WWOX: variants seen among roughly 807,000 people sequenced by gnomAD.
WWOX encodes WW domain containing oxidoreductase, also known as WW domain-containing oxidoreductase.
WWOX carries 69 observed loss-of-function variants against 46.2 expected under a neutral mutation model. That is an observed-to-expected ratio of 1.49 (90% CI 1.23 to 1.82). WWOX has a LOEUF of 1.82. Among genes scored for constraint, WWOX ranks in the 40% most tolerant of loss-of-function variants. WWOX has a pLI of 0.00. For missense variants in WWOX, 919 were observed against 542.6 expected, an observed-to-expected ratio of 1.69 and a Z score of -6.89; for synonymous variants, 359 against 202.6, an observed-to-expected ratio of 1.77 and a Z score of -6.56.
chr16:79,120,184 A>C (rs1466928925), intron 8 of WWOX, among the ~76,000 whole-genome samples: 1 of 152,214 alleles, frequency 6.6e-6, no homozygotes, highest in Admixed American at 6.5e-5. Flanking sequence ...CTGTGAGGCC[A>C]GGGGGCTCAG....
intron 8 of WWOX, among the ~76,000 whole-genome samples, chr16:78,614,616 A>G (rs576761061): frequency 1.3e-5 from 2 of 152,192 alleles, no homozygotes; most frequent in South Asian, 4.1e-4. Context: ...CTAGAGAGAC[A>G]TAGGTGTATG....
chr16:78,731,733 G>T (rs555344682), intron 8 of WWOX, among the ~76,000 whole-genome samples: 1 of 152,004 alleles, frequency 6.6e-6, no homozygotes, highest in Non-Finnish European at 1.5e-5. Flanking sequence ...TAAGGCCAGG[G>T]TGCAGACTGG....
At chr16:78,262,840 C>G (rs1403941042) in intron 5 of WWOX, among the ~76,000 whole-genome samples, 1 of 152,128 alleles carries the variant, frequency 6.6e-6, no homozygotes, top group African/African-American at 2.4e-5. Flanking sequence ...TTCTTAGATG[C>G]CCTTACTCTG....
At chr16:78,872,903 T>C (rs1337729289) in intron 8 of WWOX, 1 of 152,318 alleles carries the variant, frequency 6.6e-6, no homozygotes, top group African/African-American at 2.4e-5. Flanking sequence ...GCTCAAGCAG[T>C]CCTCCCATGT....
chr16:79,124,441 C>A (rs981549998), intron 8 of WWOX, among the ~76,000 whole-genome samples: 3 of 151,966 alleles, frequency 2.0e-5, no homozygotes, highest in East Asian at 3.9e-4. Flanking sequence ...CATCATGATA[C>A]GTTAAGGGAA....
At chr16:78,830,213 A>G (rs551279243) in intron 8 of WWOX, among the ~76,000 whole-genome samples, 14 of 152,354 alleles carry the variant, frequency 9.2e-5, no homozygotes, top group African/African-American at 3.4e-4. Context: ...GGAAAGAAGC[A>G]GTGTTAACAT....
chr16:79,061,269 C>G (rs955595989), intron 8 of WWOX, among the ~76,000 whole-genome samples: 2 of 152,188 alleles, frequency 1.3e-5, no homozygotes, highest in East Asian at 3.8e-4. Flanking sequence ...TTGGTGCAGA[C>G]TGGATTTTTA....
chr16:78,959,022 C>G (rs193094622), intron 8 of WWOX, among the ~76,000 whole-genome samples: 323 of 152,218 alleles, frequency 2.1e-3, no homozygotes, highest in Middle Eastern at 0.01. Context: ...TCTATAACAG[C>G]AAGACATTTA....
In WWOX at chr16:79,008,297, T is replaced by G. The variant is rs1268136473; in HGVS notation, c.1057-203311T>G. Among the ~76,000 whole-genome samples, 11 of 152,294 alleles carry G rather than the reference T, an allele frequency of 7.2e-5. No individual in the cohort carries two copies. The East Asian group carries it at 1.4e-3, about 19-fold the overall frequency. On this transcript the variant is annotated intron_variant, in intron 8 of 8. Coordinates refer to ENST00000566780, the MANE Select transcript of WWOX (RefSeq NM_016373.4). ...TCCCCCATGCTCTGAGTCACTCTCT[T>G]CAGTGAGGGCCCAGCCCCTTTTAAG...
At chr16:79,000,994 G>A (rs1177147753) in intron 8 of WWOX, among the ~76,000 whole-genome samples, 1 of 152,204 alleles carries the variant, frequency 6.6e-6, no homozygotes, top group African/African-American at 2.4e-5. Context: ...ACCGCCTGGG[G>A]TCCAAGAAGA....
intron 8 of WWOX, chr16:78,534,542 CAG>C (rs1354940351): frequency 6.6e-6 from 1 of 152,104 alleles, no homozygotes; most frequent in African/African-American, 2.4e-5. Flanking sequence ...ACTGGACTCA[CAG>C]GTGGAGAAGG....
chr16:78,442,750 C>T (rs764452373), intron 8 of WWOX, among the ~76,000 whole-genome samples: 13 of 151,962 alleles, frequency 8.6e-5, no homozygotes, highest in East Asian at 5.8e-4. Context: ...GAGGCTGAGG[C>T]GGATGAATCA....
At chr16:79,131,752 C>G (rs112135115) in intron 8 of WWOX, among the ~76,000 whole-genome samples, 4 of 152,170 alleles carry the variant, frequency 2.6e-5, no homozygotes, top group African/African-American at 9.6e-5. Context: ...TTGTATTAGT[C>G]CATTTTCACA....
chr16:78,249,855 G>A (rs910091892), intron 5 of WWOX, among the ~76,000 whole-genome samples: 5 of 151,966 alleles, frequency 3.3e-5, no homozygotes, highest in Admixed American at 2.6e-4. Flanking sequence ...GGGGCTGGGG[G>A]CCTGGAAGGG....
intron 5 of WWOX, among the ~76,000 whole-genome samples, chr16:78,170,902 G>A (rs1351874136): frequency 6.6e-6 from 1 of 152,184 alleles, no homozygotes; most frequent in Non-Finnish European, 1.5e-5. Flanking sequence ...GGGAGAGAGC[G>A]CATGCTCAGT....
At chr16:78,603,058 G>A (rs890539534) in intron 8 of WWOX, among the ~76,000 whole-genome samples, 1 of 152,302 alleles carries the variant, frequency 6.6e-6, no homozygotes, top group East Asian at 1.9e-4. Context: ...GGGTGGAGGT[G>A]GAGTACTAAC....
chr16:78,594,988 A>G (rs936118309), intron 8 of WWOX, among the ~76,000 whole-genome samples: 7 of 152,218 alleles, frequency 4.6e-5, no homozygotes, highest in Non-Finnish European at 1.5e-5. Context: ...TTACTGTTGA[A>G]GACTTGTGGA....
At chr16:78,873,262 A>T (rs2044165525) in intron 8 of WWOX, 1 of 152,304 alleles carries the variant, frequency 6.6e-6, no homozygotes, top group South Asian at 2.1e-4. Flanking sequence ...TTTTAGATAG[A>T]GGTTTGAATG....
intron 8 of WWOX, among the ~76,000 whole-genome samples, chr16:78,865,671 G>C (rs945013102): frequency 6.6e-6 from 1 of 152,150 alleles, no homozygotes; most frequent in Non-Finnish European, 1.5e-5. Context: ...CCTGAGGTCA[G>C]GAGTTCGACA....
Sources: gnomAD v4.1 joint callset for allele counts (sites outside exome capture counted in the v4.1 genomes callset) on GRCh38, gnomAD v4.1.1 for gene constraint, MANE v1.5 for transcripts, NCBI Gene and HGNC (gene_info 2026-07-23, HGNC 2026-07-21) for gene names.